RBFOX3: variants seen among roughly 807,000 people sequenced by gnomAD.
RBFOX3 encodes the protein RNA binding protein fox-1 homolog 3.
Under a neutral mutation model 48.7 loss-of-function variants are expected in RBFOX3, and 17 were observed. That is an observed-to-expected ratio of 0.35 (90% confidence interval 0.24 to 0.52). RBFOX3 has a LOEUF of 0.52. Among genes scored for constraint, RBFOX3 ranks in the 20% least tolerant of loss-of-function variants. The pLI is 0.94. For synonymous variants in RBFOX3, 212 were observed against 209.5 expected (o/e 1.01, Z -0.10); for missense variants, 382 against 497.5 (o/e 0.77, Z 2.21).
At chr17:79,167,949 GTAAA>G in intron 4 of RBFOX3, among the ~76,000 whole-genome samples, 1 of 152,230 alleles carries the variant, frequency 6.6e-6, no homozygotes, top group African/African-American at 2.4e-5. Context: ...CCTCCCCCAG[GTAAA>G]AGCCCTTCCC....
At chr17:79,523,816 C>G (rs2086446294) in intron 1 of RBFOX3, among the ~76,000 whole-genome samples, 3 of 152,222 alleles carry the variant, frequency 2.0e-5, no homozygotes, top group Admixed American at 2.0e-4. Context: ...AACTAGCCAG[C>G]ACATTTTGAG....
At chr17:79,207,724 G>A (rs2057708353) in intron 4 of RBFOX3, among the ~76,000 whole-genome samples, 1 of 152,172 alleles carries the variant, frequency 6.6e-6, no homozygotes, top group African/African-American at 2.4e-5. Context: ...CTCTGGGGAG[G>A]ACTGGCCTTC....
rs560215991 is a variant in RBFOX3, at chr17:79,261,131, C to A, written c.-73-25326G>T. Among the ~76,000 whole-genome samples, 11 of 152,284 alleles carry A rather than the reference C, an allele frequency of 7.2e-5. No homozygotes were observed. In the South Asian group the frequency reaches 2.3e-3, roughly 32 times the overall value. ...CTACACCCCTCCAGTTCCCACCCCA[C>A]GGCGTTCGCTCCTCGAGCCCCCTAC... On this transcript the variant is annotated intron_variant, in intron 3 of 14. Coordinates refer to ENST00000693108, the MANE Select transcript of RBFOX3 (RefSeq NM_001350451.2).
At chr17:79,282,252 C>T (rs533602861) in intron 3 of RBFOX3, among the ~76,000 whole-genome samples, 1 of 152,242 alleles carries the variant, frequency 6.6e-6, no homozygotes, top group Admixed American at 6.5e-5. Flanking sequence ...ATTGAGAACA[C>T]GGCCACGAAA....
rs780856338 is a variant in RBFOX3 at position 79,126,748 on chromosome 17, C to CAT, written c.-33-11001_-33-11000insAT. Among the ~76,000 whole-genome samples the CAT allele has an allele frequency of 5.3e-5, 8 of 152,348 alleles. 1 individual carries two copies. In the East Asian group the frequency reaches 9.6e-4, roughly 18 times the overall value. On this transcript the variant is annotated intron_variant, in intron 4 of 14. Transcript: ENST00000693108. The stretch of plus-strand genomic sequence containing the variant: ...GAGACACCCAGCCCAGCCCGCCAGA[C>CAT]AAAGTCTCCTCTGTTCCCTCCCTGA...
chr17:79,162,760 G>T (rs903350853), intron 4 of RBFOX3, among the ~76,000 whole-genome samples: 1 of 152,174 alleles, frequency 6.6e-6, no homozygotes, highest in East Asian at 1.9e-4. Context: ...GGCGGGCGGG[G>T]GTCTCCCGCG....
rs2057477963 is a variant in RBFOX3, at chr17:79,364,752, C to G, written c.-174-56928G>C. ...CTAGAGGAACACATTATAGCCCATC[C>G]AGCACAGCCTCCAGGGAGAGGACCC... On this transcript the variant is annotated intron_variant, in intron 2 of 14. Coordinates refer to ENST00000693108, the MANE Select transcript of RBFOX3 (RefSeq NM_001350451.2). The surrounding 1 kb of genome is among the most constrained non-coding windows in gnomAD (Gnocchi z 5.1). Among the ~76,000 whole-genome samples, 1 of 152,178 alleles carries G rather than the reference C, an allele frequency of 6.6e-6. No individual in the cohort carries two copies. Among genetic ancestry groups the G allele is most frequent in the Non-Finnish European group, 1.5e-5 (1 of 68,024 alleles).
chr17:79,316,846 A>C (rs2077605806), intron 2 of RBFOX3, among the ~76,000 whole-genome samples: 1 of 152,254 alleles, frequency 6.6e-6, no homozygotes, highest in Non-Finnish European at 1.5e-5. Flanking sequence ...TTCATTGCTT[A>C]TCTGATATTC....
chr17:79,405,590 A>G (rs1006798400), intron 2 of RBFOX3, among the ~76,000 whole-genome samples: 4 of 152,112 alleles, frequency 2.6e-5, no homozygotes, highest in Non-Finnish European at 2.9e-5. Context: ...GTGTGGTGGC[A>G]CGCCCCTGTA....
At chr17:79,150,954 C>T (rs1479414549) in intron 4 of RBFOX3, among the ~76,000 whole-genome samples, 1 of 152,218 alleles carries the variant, frequency 6.6e-6, no homozygotes, top group Non-Finnish European at 1.5e-5. Context: ...TTGCTGCCTG[C>T]CACAGAGGGC....
At chr17:79,606,729 A>T (rs1359418286) in intron 1 of RBFOX3, among the ~76,000 whole-genome samples, 1 of 152,220 alleles carries the variant, frequency 6.6e-6, no homozygotes, top group African/African-American at 2.4e-5. Context: ...AACCCAGAAC[A>T]GGCCCCGCCG....
chr17:79,209,928 C>T (rs1339677800), intron 4 of RBFOX3, among the ~76,000 whole-genome samples: 3 of 144,872 alleles, frequency 2.1e-5, no homozygotes, highest in Non-Finnish European at 3.0e-5. Flanking sequence ...ACCTGGGAGG[C>T]GGAGCTTGCA....
the RBFOX3 span, among the ~76,000 whole-genome samples, chr17:79,626,684 G>C: frequency 6.6e-6 from 1 of 152,198 alleles, no homozygotes; most frequent in East Asian, 1.9e-4. Context: ...TCCAGCTCCC[G>C]GGTCACACAC....
intron 4 of RBFOX3, among the ~76,000 whole-genome samples, chr17:79,155,779 G>A (rs949518992): frequency 1.3e-5 from 2 of 152,144 alleles, no homozygotes; most frequent in Non-Finnish European, 2.9e-5. Context: ...CCACAGCCTG[G>A]CAGGAGGCAG....
At chr17:79,192,278 G>A (rs189488420) in intron 4 of RBFOX3, among the ~76,000 whole-genome samples, 51 of 152,306 alleles carry the variant, frequency 3.3e-4, no homozygotes, top group Non-Finnish European at 6.0e-4. Flanking sequence ...AGCCGCTCCC[G>A]GCCTTTCCTC....
At chr17:79,469,425 G>GA (rs782352857) in intron 2 of RBFOX3, among the ~76,000 whole-genome samples, 2 of 152,272 alleles carry the variant, frequency 1.3e-5, no homozygotes, top group South Asian at 2.1e-4. Context: ...GTGTGGAGAG[G>GA]ACCCCACTCC....
the RBFOX3 span, among the ~76,000 whole-genome samples, chr17:79,639,748 T>C: frequency 9.9e-5 from 15 of 152,284 alleles, no homozygotes; most frequent in African/African-American, 3.6e-4. Context: ...TATATAATCA[T>C]CTAAATAGAC....
chr17:79,097,329 C>T lies in RBFOX3; in HGVS notation c.718G>A (p.Ala240Thr), dbSNP rs1381383669. ...RGRAVYNTFRAAPPPPPIPTY... is the reference protein window; with the variant it reads ...RGRAVYNTFRTAPPPPPIPTY... ...GGGATGGGGGGTGGGGGTGGCGCAGCCCGAAATGTATTATACACGGCCCGG... is the reference window on the plus strand; with the variant it reads ...GGGATGGGGGGTGGGGGTGGCGCAGTCCGAAATGTATTATACACGGCCCGG... Residue 240 changes from alanine to threonine, a missense_variant, in exon 11 of 15, where the codon GCT becomes ACT. Ala to Thr is a moderately conservative substitution (Grantham distance 58). This residue lies in a region of RBFOX3 where 215 missense variants were observed against 254.8 expected (regional missense o/e 0.84). Coordinates refer to ENST00000693108, the MANE Select transcript of RBFOX3 (RefSeq NM_001350451.2). The T allele has an allele frequency of 3.5e-5, 54 of 1,546,802 alleles. No homozygotes were observed. The highest frequency in any genetic ancestry group is 4.7e-5 in the Non-Finnish European group (54 of 1,144,840).
the RBFOX3 span, among the ~76,000 whole-genome samples, chr17:79,638,063 C>T: frequency 6.6e-6 from 1 of 151,892 alleles, no homozygotes; most frequent in Non-Finnish European, 1.5e-5. Flanking sequence ...ACACAATACA[C>T]CAAAATGTAT....
Sources: allele counts gnomAD v4.1 joint callset (sites outside exome capture counted in the v4.1 genomes callset), GRCh38; gene constraint gnomAD v4.1.1; regional missense constraint gnomAD v4.1.1; non-coding constraint Gnocchi (gnomAD v3.1); transcripts MANE v1.5; gene names NCBI Gene and HGNC (gene_info 2026-07-23, HGNC 2026-07-21).